SGCZ: variants seen among roughly 807,000 people sequenced by gnomAD.
SGCZ encodes sarcoglycan zeta, also known as zeta-sarcoglycan.
SGCZ carries 40 observed loss-of-function variants against 41.3 expected under a neutral mutation model. The ratio of observed to expected loss-of-function variants is 0.97; its 90% confidence interval spans 0.75 to 1.26. SGCZ has a LOEUF of 1.26. Ranked by LOEUF, SGCZ falls within the 50% of genes most tolerant of loss-of-function variation. The probability of loss-of-function intolerance (pLI) is 0.00; values close to 1 mark genes in which losing one functional copy is unlikely to be tolerated. For synonymous variants in SGCZ, 206 were observed against 137.5 expected, an observed-to-expected ratio of 1.50 and a Z score of -3.49; for missense variants, 552 against 369.8, an observed-to-expected ratio of 1.49 and a Z score of -4.04.
intron 1 of SGCZ, among the ~76,000 whole-genome samples, chr8:15,123,536 G>T (rs1277432072): frequency 1.3e-5 from 2 of 152,166 alleles, no homozygotes; most frequent in African/African-American, 4.8e-5. Flanking sequence ...AGGAAATGGA[G>T]ATAGGTTCAG....
At chr8:15,043,364 G>C (rs1222658626) in intron 1 of SGCZ, among the ~76,000 whole-genome samples, 1 of 152,034 alleles carries the variant, frequency 6.6e-6, no homozygotes, top group Non-Finnish European at 1.5e-5. Context: ...CTCATTCTTA[G>C]TTGAATTTAT....
intron 1 of SGCZ, among the ~76,000 whole-genome samples, chr8:14,637,371 C>A (rs1299069779): frequency 6.6e-6 from 1 of 151,180 alleles, no homozygotes; most frequent in South Asian, 2.1e-4. Flanking sequence ...GTTTGTTACA[C>A]GAGTAAATTG....
chr8:14,465,976 AAAAC>A (rs899080144), intron 2 of SGCZ, among the ~76,000 whole-genome samples: 1 of 151,958 alleles, frequency 6.6e-6, no homozygotes, highest in Non-Finnish European at 1.5e-5. Flanking sequence ...AATCATGTAC[AAAAC>A]AAACAGTAGA....
intron 2 of SGCZ, among the ~76,000 whole-genome samples, chr8:14,516,145 T>A (rs900452226): frequency 1.3e-5 from 2 of 152,170 alleles, no homozygotes; most frequent in Admixed American, 1.3e-4. Flanking sequence ...TTTTTCTTTT[T>A]TGTAAACATT....
intron 1 of SGCZ, among the ~76,000 whole-genome samples, chr8:14,656,151 C>T (rs1055263759): frequency 3.9e-5 from 6 of 152,060 alleles, no homozygotes; most frequent in Non-Finnish European, 7.4e-5. Context: ...AAGTATCAAA[C>T]TGTTTATCCA....
chr8:14,325,595 T>A (rs1043903386), intron 2 of SGCZ, among the ~76,000 whole-genome samples: 1 of 147,052 alleles, frequency 6.8e-6, no homozygotes, highest in African/African-American at 2.5e-5. Flanking sequence ...TATAATCACA[T>A]ATAGTTGATT....
chr8:14,125,822 C>G (rs1802837180), intron 5 of SGCZ, among the ~76,000 whole-genome samples: 1 of 152,124 alleles, frequency 6.6e-6, no homozygotes, highest in African/African-American at 2.4e-5. Context: ...TAAGACCACA[C>G]CTCTACATCC....
intron 1 of SGCZ, among the ~76,000 whole-genome samples, chr8:14,891,781 C>T (rs1056954160): frequency 2.6e-5 from 4 of 152,116 alleles, no homozygotes; most frequent in African/African-American, 7.2e-5. Context: ...TATTTTAAGC[C>T]GTTGCCACGG....
chr8:14,801,413 C>T (rs1346523963), intron 1 of SGCZ, among the ~76,000 whole-genome samples: 1 of 152,058 alleles, frequency 6.6e-6, no homozygotes, highest in Non-Finnish European at 1.5e-5. Flanking sequence ...ATTTACAAAG[C>T]AAATTATAAA....
chr8:14,808,096 A>T (rs972813732), intron 1 of SGCZ, among the ~76,000 whole-genome samples: 2 of 152,232 alleles, frequency 1.3e-5, no homozygotes, highest in Non-Finnish European at 2.9e-5. Context: ...TGGATTAAAG[A>T]CTGAAACGTT....
intron 2 of SGCZ, among the ~76,000 whole-genome samples, chr8:14,442,630 T>C (rs1283908335): frequency 1.3e-5 from 2 of 152,210 alleles, no homozygotes; most frequent in South Asian, 2.1e-4. Context: ...GTCCCTTATA[T>C]AGAGTTGATA....
chr8:14,571,158 C>T (rs1553831), intron 1 of SGCZ, among the ~76,000 whole-genome samples: 140,942 of 152,110 alleles, frequency 0.93, 65,448 homozygotes, highest in Non-Finnish European at 0.96. Flanking sequence ...AGTACCTTGT[C>T]TGCAAGGTGG....
chr8:14,935,361 C>G (rs1800050901), intron 1 of SGCZ, among the ~76,000 whole-genome samples: 1 of 151,598 alleles, frequency 6.6e-6, no homozygotes, highest in African/African-American at 2.4e-5. Flanking sequence ...GTAAGTCTTT[C>G]ATAGTGTGAT....
intron 1 of SGCZ, among the ~76,000 whole-genome samples, chr8:14,908,743 CA>C (rs58817872): frequency 0.1 from 9,433 of 90,904 alleles, 264 homozygotes; most frequent in African/African-American, 0.22. Context: ...GTCACCGTTG[CA>C]AAAAAAAAAA....
chr8:14,746,902 A>G (rs995907745), intron 1 of SGCZ, among the ~76,000 whole-genome samples: 2 of 152,294 alleles, frequency 1.3e-5, no homozygotes, highest in African/African-American at 2.4e-5. Flanking sequence ...ATTGATTCCA[A>G]TGCTCCACTG....
chr8:14,424,335 TA>T (rs1401264468), intron 2 of SGCZ, among the ~76,000 whole-genome samples: 1 of 152,114 alleles, frequency 6.6e-6, no homozygotes, highest in South Asian at 2.1e-4. Flanking sequence ...TATTATGGAT[TA>T]AAAAACACAA....
intron 3 of SGCZ, among the ~76,000 whole-genome samples, chr8:14,290,322 G>A (rs1331496599): frequency 3.2e-5 from 2 of 63,138 alleles, no homozygotes; most frequent in Admixed American, 1.6e-4. Flanking sequence ...GGCAACAAAA[G>A]AAAATATAGA....
chr8:14,273,781 T>C (rs1019051528), intron 3 of SGCZ, among the ~76,000 whole-genome samples: 1 of 152,170 alleles, frequency 6.6e-6, no homozygotes, highest in Non-Finnish European at 1.5e-5. Flanking sequence ...TAAAAACTAA[T>C]GAGCATCGTA....
rs1274330057 is a variant in SGCZ at position 14,691,087 on chromosome 8, C to A, written c.40-136161G>T. 2.0e-5 allele frequency among the ~76,000 whole-genome samples: 3 copies of A among 152,180 alleles called. No individual in the cohort carries two copies. The East Asian group carries it at 5.8e-4, about 29-fold the overall frequency. On this transcript the variant is annotated intron_variant, in intron 1 of 7. Coordinates refer to ENST00000382080, the MANE Select transcript of SGCZ (RefSeq NM_139167.4). ...ATCACTTTTTAGCATACTATAAATG[C>A]ACTTATTTATTATGTTTATTGTCTG...
Sources: allele counts gnomAD v4.1 joint callset (sites outside exome capture counted in the v4.1 genomes callset), GRCh38; gene constraint gnomAD v4.1.1; transcripts MANE v1.5; gene names NCBI Gene and HGNC (gene_info 2026-07-23, HGNC 2026-07-21).